The following CDK11B variants were observed in gnomAD, a reference collection of about 807,000 sequenced individuals.
The protein encoded by CDK11B is cyclin dependent kinase 11B.
A neutral mutation model predicts 84.0 loss-of-function variants in CDK11B; 37 were observed. That is an observed-to-expected ratio of 0.44 (90% CI 0.34 to 0.58). CDK11B has a LOEUF of 0.58. Ranked by LOEUF, CDK11B falls within the 20% of genes least tolerant of loss-of-function variation. CDK11B has a pLI of 0.02. For missense variants in CDK11B, 427 were observed against 834.0 expected (o/e 0.51, Z 6.01); for synonymous variants, 269 against 309.8 (o/e 0.87, Z 1.38).
intron 5 of CDK11B, chr1:1,646,306 A>C (rs1421508042): frequency 9.1e-6 from 4 of 438,934 alleles, no homozygotes; most frequent in African/African-American, 8.3e-5. Flanking sequence ...TTTGATTTTA[A>C]ATTACATATG....
chr1:1,637,656 T>C (rs1398912440), intron 13 of CDK11B, 106 bp downstream of exon 13: 43 of 1,608,886 alleles, frequency 2.7e-5, no homozygotes, highest in Non-Finnish European at 2.3e-5. Context: ...TGTGAAGGGC[T>C]CCACTAAGTG....
intron 4 of CDK11B, 125 bp from the exon 5 acceptor site, chr1:1,649,762 G>A (rs1367683699): frequency 1.2e-6 from 1 of 842,860 alleles, no homozygotes; most frequent in Non-Finnish European, 1.8e-6. Flanking sequence ...ATCACCTGAG[G>A]TCAGGAGTTC....
chr1:1,639,428 C>T (rs1639909997), intron 11 of CDK11B, among the ~76,000 whole-genome samples: 1 of 151,584 alleles, frequency 6.6e-6, no homozygotes, highest in Admixed American at 6.6e-5. Flanking sequence ...AAAAAAAAAG[C>T]CATCCCAAGA....
chr1:1,648,856 A>T (rs1641518764), intron 5 of CDK11B, among the ~76,000 whole-genome samples: 1 of 151,806 alleles, frequency 6.6e-6, no homozygotes, highest in African/African-American at 2.4e-5. Flanking sequence ...TGCAGCCTTG[A>T]CCTCCAGGCT....
intron 2 of CDK11B, 126 bp from the exon 3 acceptor site, chr1:1,655,610 T>G (rs1432320454): frequency 7.4e-6 from 10 of 1,355,284 alleles, no homozygotes; most frequent in Non-Finnish European, 9.7e-6. Flanking sequence ...ATACTCTGAA[T>G]GAGCCAGTGT....
intron 3 of CDK11B, among the ~76,000 whole-genome samples, chr1:1,653,678 T>G (rs1642310529): frequency 6.6e-6 from 1 of 151,892 alleles, no homozygotes. Flanking sequence ...CCCCAATAAA[T>G]CTGTTAAAAG....
At chr1:1,655,231 C>T (rs749609624) in intron 3 of CDK11B, 138 bp downstream of exon 3, 28 of 1,101,002 alleles carry the variant, frequency 2.5e-5, no homozygotes, top group Admixed American at 1.2e-4. Flanking sequence ...TCAATAGTTA[C>T]GCTATGTCAC....
chr1:1,641,156 G>A lies in CDK11B; in HGVS notation c.1010-43C>T, dbSNP rs757467049. The A allele has an allele frequency of 1.1e-5, 16 of 1,485,854 alleles. 1 individual carries two copies. The Middle Eastern group carries it at 5.4e-4, about 50-fold the overall frequency. 92.0% of individuals were successfully genotyped at this position (1,485,854 alleles called of 1,614,324 possible). A position where few individuals can be genotyped will look rare whatever the true frequency, so the allele number is the denominator to read the frequency against. On this transcript the variant is annotated intron_variant, in intron 9 of 19. Transcript: ENST00000341832. The stretch of plus-strand genomic sequence containing the variant: ...CGTCTGCTCAGACCAGCACCGGGGC[G>A]AGTGCTGCCACAGGCAGGATGCGGG...
At chr1:1,653,904 GAGT>G (rs1642374201) in intron 3 of CDK11B, among the ~76,000 whole-genome samples, 2 of 151,136 alleles carry the variant, frequency 1.3e-5, no homozygotes, top group South Asian at 2.1e-4. Flanking sequence ...AGCTACTCAG[GAGT>G]CTGAGGCAGG....
intron 5 of CDK11B, among the ~76,000 whole-genome samples, chr1:1,647,835 C>G (rs868591276): frequency 1.3e-5 from 2 of 151,814 alleles, no homozygotes; most frequent in Non-Finnish European, 2.9e-5. Flanking sequence ...GCCCACTGCT[C>G]TAAACGGAGT....
chr1:1,646,877 T>A, intron 5 of CDK11B: 1 of 519,988 alleles, frequency 1.9e-6, no homozygotes, highest in Non-Finnish European at 3.9e-6. Context: ...GCTGGCGGTA[T>A]TGAAGCTCCC....
intron 5 of CDK11B, chr1:1,646,259 T>A: frequency 1.3e-5 from 5 of 378,896 alleles, no homozygotes; most frequent in South Asian, 1.0e-4. Context: ...TTGGATTTAC[T>A]TTCCTTGCTT....
chr1:1,638,937 ATT>A (rs70937162), intron 11 of CDK11B, among the ~76,000 whole-genome samples: 2,743 of 119,348 alleles, frequency 0.023, 68 homozygotes, highest in African/African-American at 0.087. Context: ...TCTGTTTTCT[ATT>A]TTTTTTTTTT....
chr1:1,640,954 T>A (rs2100754057), intron 10 of CDK11B, 94 bp downstream of exon 10: 1 of 1,586,102 alleles, frequency 6.3e-7, no homozygotes, highest in East Asian at 2.2e-5. Flanking sequence ...GACCCTGGCG[T>A]GCCCCACGCT....
chr1:1,643,683 G>A (rs1182471146), intron 6 of CDK11B, among the ~76,000 whole-genome samples: 5 of 143,772 alleles, frequency 3.5e-5, no homozygotes, highest in Non-Finnish European at 7.4e-5. Flanking sequence ...AAATTCCAGA[G>A]CTAATAAGTA....
In CDK11B at chr1:1,640,261, G is replaced by C. The variant is rs1421706648; in HGVS notation, c.1251+16C>G. The stretch of plus-strand genomic sequence containing the variant: ...GCCAATGCGGACAGTGGCCCGGGGC[G>C]AGGGGAGGGCCTGACCTGCAGGGCC... On this transcript the variant is annotated intron_variant, in intron 11 of 19. Coordinates refer to ENST00000341832, the MANE Select transcript of CDK11B (RefSeq NM_033486.3). 3 of 1,612,496 alleles carry C rather than the reference G, an allele frequency of 1.9e-6. No individual in the cohort carries two copies. The highest frequency in any genetic ancestry group is 1.1e-5 in the South Asian group (1 of 90,932).
At chr1:1,654,558 C>T (rs1642464988) in intron 3 of CDK11B, among the ~76,000 whole-genome samples, 1 of 152,130 alleles carries the variant, frequency 6.6e-6, no homozygotes, top group South Asian at 2.1e-4. Flanking sequence ...GCTGGGATTA[C>T]AGGCGTGAGC....
At chr1:1,636,632 T>C in intron 17 of CDK11B, 50 bp downstream of exon 17, 1 of 1,611,608 alleles carries the variant, frequency 6.2e-7, no homozygotes, top group Non-Finnish European at 8.5e-7. Context: ...GCCCCATTCC[T>C]GCAACTCCTC....
intron 4 of CDK11B, among the ~76,000 whole-genome samples, chr1:1,651,191 G>C: frequency 6.6e-6 from 1 of 152,196 alleles, no homozygotes; most frequent in Non-Finnish European, 1.5e-5. Flanking sequence ...TTGGACTTGA[G>C]CAAATACCCA....
Sources: gnomAD v4.1 joint callset for allele counts (sites outside exome capture counted in the v4.1 genomes callset) on GRCh38, gnomAD v4.1.1 for gene constraint, MANE v1.5 for transcripts, NCBI Gene and HGNC (gene_info 2026-07-23, HGNC 2026-07-21) for gene names.